The following OR4Q3 variants were observed in gnomAD, a reference collection of about 807,000 sequenced individuals.
OR4Q3 encodes olfactory receptor family 4 subfamily Q member 3.
A neutral mutation model predicts 18.8 loss-of-function variants in OR4Q3; 17 were observed. The observed-to-expected ratio is 0.91, with a 90% CI of 0.62 to 1.36. The LOEUF (loss-of-function observed/expected upper bound fraction) is 1.36. Among genes scored for constraint, OR4Q3 ranks in the 40% most tolerant of loss-of-function variants. OR4Q3 has a pLI of 0.00. For missense variants in OR4Q3, 378 were observed against 373.4 expected, an observed-to-expected ratio of 1.01 and a Z score of -0.10; for synonymous variants, 158 against 145.8, an observed-to-expected ratio of 1.08 and a Z score of -0.60.
chr14:19,748,066 G>T, exon 2 of OR4Q3: 1 of 1,614,000 alleles, frequency 6.2e-7, no homozygotes, highest in Non-Finnish European at 8.5e-7. Context: ...TCTGCTTCTT[G>T]GTCTTACTAT....
At chr14:19,746,089 C>T in intron 1 of OR4Q3, among the ~76,000 whole-genome samples, 1 of 151,634 alleles carries the variant, frequency 6.6e-6, no homozygotes, top group Non-Finnish European at 1.5e-5. Context: ...TCTGCATTGT[C>T]TATGTAAATA....
downstream of OR4Q3, among the ~76,000 whole-genome samples, chr14:19,750,504 A>T: frequency 6.6e-6 from 1 of 152,222 alleles, no homozygotes; most frequent in Non-Finnish European, 1.5e-5. Context: ...TCTCCTAATG[A>T]ATTGCCATAG....
At chr14:19,748,506 C>T in exon 2 of OR4Q3, 1 of 696,934 alleles carries the variant, frequency 1.4e-6, no homozygotes. Flanking sequence ...ATGGATCACT[C>T]TTGATTACAA....
At chr14:19,747,337 T>G in intron 1 of OR4Q3, 69 bp from the exon 2 acceptor site, 1 of 762,532 alleles carries the variant, frequency 1.3e-6, no homozygotes, top group Non-Finnish European at 2.0e-6. Context: ...TATTATATAC[T>G]ATATGTATAT....
chr14:19,751,379 TGATGCTAGCTTCATA>T, downstream of OR4Q3, among the ~76,000 whole-genome samples: 1 of 152,244 alleles, frequency 6.6e-6, no homozygotes, highest in Admixed American at 6.5e-5. Context: ...GGTATTAAGC[TGATGCTAGCTTCATA>T]GAATGAGTTA....
At chr14:19,745,606 C>T in intron 1 of OR4Q3, among the ~76,000 whole-genome samples, 3 of 152,070 alleles carry the variant, frequency 2.0e-5, no homozygotes, top group African/African-American at 7.2e-5. Context: ...TTCCAGTTTT[C>T]CCAAGATTAT....
At chr14:19,752,052 C>A, downstream of OR4Q3, among the ~76,000 whole-genome samples, 1 of 152,150 alleles carries the variant, frequency 6.6e-6, no homozygotes, top group African/African-American at 2.4e-5. Context: ...AATATAAGAC[C>A]ACAAACTATG....
chr14:19,748,892 GT>G, exon 2 of OR4Q3: 1 of 155,618 alleles, frequency 6.4e-6, no homozygotes, highest in Non-Finnish European at 1.4e-5. Flanking sequence ...TCAGAACTGT[GT>G]TCCACAGTGT....
At chr14:19,751,530 AGAGTT>A, downstream of OR4Q3, among the ~76,000 whole-genome samples, 2 of 149,912 alleles carry the variant, frequency 1.3e-5, no homozygotes, top group African/African-American at 4.9e-5. Context: ...TTTGGTTAGT[AGAGTT>A]TTTTTTTTTT....
At chr14:19,746,908 G>GT in intron 1 of OR4Q3, among the ~76,000 whole-genome samples, 19,042 of 148,940 alleles carry the variant, frequency 0.13, 562 homozygotes, top group South Asian at 0.23. Flanking sequence ...GAGAGATTTA[G>GT]TTTTTTTTAT....
exon 2 of OR4Q3, chr14:19,748,491 T>C: frequency 1.3e-6 from 1 of 744,760 alleles, no homozygotes; most frequent in Non-Finnish European, 2.1e-6. Flanking sequence ...AGCATAAAGA[T>C]TATAATGGAT....
At chr14:19,744,483 T>C (rs12894520) in intron 1 of OR4Q3, among the ~76,000 whole-genome samples, 1 of 152,082 alleles carries the variant, frequency 6.6e-6, no homozygotes, top group African/African-American at 2.4e-5. Flanking sequence ...TCCGGTTCCC[T>C]GTTTAGAAAG....
intron 1 of OR4Q3, among the ~76,000 whole-genome samples, chr14:19,745,109 A>G: frequency 6.6e-6 from 1 of 152,188 alleles, no homozygotes; most frequent in African/African-American, 2.4e-5. Flanking sequence ...ACTGACATAC[A>G]GGGCTGCCTA....
In OR4Q3 at chr14:19,748,104, T is replaced by G; in HGVS notation, c.701T>G (p.Leu234Arg). The G allele has an allele frequency of 6.1e-5, 99 of 1,613,944 alleles. No individual in the cohort carries two copies. Among genetic ancestry groups the G allele is most frequent in the Non-Finnish European group, 7.9e-5 (93 of 1,179,968 alleles). The stretch of plus-strand genomic sequence containing the variant: ...TCTTATGCTATCATCCTGATCACCC[T>G]GAGAACACACTTCTGCCAGGGCCAG... The change falls in exon 2 of 2, where the codon CTG becomes CGG. Residue 234 changes from leucine (L) to arginine (R), a missense_variant. By Grantham distance (102) the Leu-to-Arg change is moderately radical (BLOSUM62 -2). Coordinates refer to ENST00000642117, the Ensembl canonical transcript of OR4Q3.
chr14:19,747,099 C>A, intron 1 of OR4Q3, among the ~76,000 whole-genome samples: 1 of 152,192 alleles, frequency 6.6e-6, no homozygotes, highest in East Asian at 1.9e-4. Context: ...GAACTTTTGT[C>A]CTTAGAGGAC....
Position 19,743,710 on chromosome 14 carries a change from C to A in OR4Q3, c.2+39C>A, listed in dbSNP as rs1204684068. 2.6e-5 allele frequency: 4 copies of A among 152,420 alleles called. No individual in the cohort carries two copies. The South Asian group carries it at 8.3e-4, about 32-fold the overall frequency. The allele number at this position is 152,420 out of a possible 1,614,324, so 9.4% of individuals were successfully genotyped here. On this transcript the variant is annotated intron_variant, in intron 1 of 1. Coordinates refer to ENST00000642117, the Ensembl canonical transcript of OR4Q3. ...ATATGTTTATTCAAAACTCCCCTCCCCTTCCTGCTCCTCTGTTTGATGCTA... is the reference window on the plus strand; with the variant it reads ...ATATGTTTATTCAAAACTCCCCTCCACTTCCTGCTCCTCTGTTTGATGCTA...
downstream of OR4Q3, among the ~76,000 whole-genome samples, chr14:19,749,640 C>CAAAAAAAA: frequency 5.1e-4 from 55 of 107,490 alleles, no homozygotes; most frequent in South Asian, 1.1e-3. Context: ...AAAAAGAAAG[C>CAAAAAAAA]AAGCTAATAA....
downstream of OR4Q3, among the ~76,000 whole-genome samples, chr14:19,751,614 C>T: frequency 1.3e-5 from 2 of 151,698 alleles, no homozygotes; most frequent in Non-Finnish European, 2.9e-5. Context: ...CTAATTCAAT[C>T]TTAGAAGATT....
exon 1 of OR4Q3, chr14:19,743,601 G>A (rs1594361141): frequency 6.6e-6 from 1 of 152,560 alleles, no homozygotes; most frequent in East Asian, 1.9e-4. Flanking sequence ...GCTGAAGAGA[G>A]GGTTGATAGG....
Sources: gnomAD v4.1 joint callset for allele counts (sites outside exome capture counted in the v4.1 genomes callset) on GRCh38, gnomAD v4.1.1 for gene constraint, MANE v1.5 for transcripts, NCBI Gene and HGNC (gene_info 2026-07-23, HGNC 2026-07-21) for gene names.